The following GRB10 variants were observed in gnomAD, a reference collection of about 807,000 sequenced individuals.
GRB10 encodes the protein growth factor receptor bound protein 10, also known as growth factor receptor-bound protein 10.
A neutral mutation model predicts 80.9 loss-of-function variants in GRB10; 20 were observed. The observed-to-expected ratio is 0.25, with a 90% CI of 0.17 to 0.36. GRB10 has a LOEUF of 0.36. Among genes scored for constraint, GRB10 ranks in the 10% least tolerant of loss-of-function variants. The probability of loss-of-function intolerance (pLI) is 1.00; values close to 1 mark genes in which losing one functional copy is unlikely to be tolerated. For missense variants in GRB10, 548 were observed against 747.7 expected, an observed-to-expected ratio of 0.73 and a Z score of 3.12; for synonymous variants, 291 against 291.5, an observed-to-expected ratio of 1.00 and a Z score of 0.02.
chr7:50,717,976 A>G (rs1184450267), intron 4 of GRB10, among the ~76,000 whole-genome samples: 1 of 152,232 alleles, frequency 6.6e-6, no homozygotes, highest in Non-Finnish European at 1.5e-5. Flanking sequence ...CCCCCCAGGC[A>G]GAGACTCCTC....
intron 5 of GRB10, among the ~76,000 whole-genome samples, chr7:50,679,609 C>T (rs190787027): frequency 2.0e-5 from 3 of 152,312 alleles, no homozygotes; most frequent in South Asian, 2.1e-4. Flanking sequence ...CATCAGTGTG[C>T]GATGCCTTCA....
rs2060702468 is a variant in GRB10, at chr7:50,674,490, A to C, written c.308T>G (p.Val103Gly). Residue 103 changes from valine to glycine, a missense_variant, in exon 6 of 19, where the codon GTG (valine) becomes GGG (glycine). Transcript: ENST00000401949. ...GCGCTGCACCCTCTGCCTCGGGGAC[A>C]CCTGTGGCTGGATGGACCGAGGAGG... The part of the protein sequence containing the change: ...SGPPRSIQPQ[V>G]SPRQRVQRSQ... The C allele has an allele frequency of 6.2e-7, 1 of 1,608,914 alleles. No homozygotes were observed. Among genetic ancestry groups the C allele is most frequent in the Non-Finnish European group, 8.5e-7 (1 of 1,179,998 alleles).
intron 2 of GRB10, among the ~76,000 whole-genome samples, chr7:50,773,129 A>C (rs1445082547): frequency 2.0e-5 from 3 of 152,054 alleles, no homozygotes; most frequent in Non-Finnish European, 4.4e-5. Context: ...TGTGCAGAGA[A>C]ACTCCCCTTT....
intron 5 of GRB10, among the ~76,000 whole-genome samples, chr7:50,690,634 G>A (rs777234541): frequency 3.9e-5 from 6 of 151,946 alleles, no homozygotes; most frequent in Non-Finnish European, 7.4e-5. Context: ...GCCTCCTATC[G>A]CCTACACGAG....
chr7:50,707,554 T>C (rs2065209512), intron 4 of GRB10, among the ~76,000 whole-genome samples: 3 of 152,248 alleles, frequency 2.0e-5, no homozygotes, highest in African/African-American at 7.2e-5. Context: ...CAAGCAAACA[T>C]CAAAACAGTT....
intron 2 of GRB10, among the ~76,000 whole-genome samples, chr7:50,777,943 A>G (rs1385887005): frequency 6.6e-6 from 1 of 152,196 alleles, no homozygotes; most frequent in African/African-American, 2.4e-5. Flanking sequence ...AGGGGAGGGA[A>G]AACATCAGGA....
intron 7 of GRB10, among the ~76,000 whole-genome samples, chr7:50,633,180 G>A (rs956215567): frequency 5.9e-5 from 9 of 152,194 alleles, no homozygotes; most frequent in African/African-American, 2.2e-4. Flanking sequence ...TAAGCCTCCT[G>A]AAACCTCCAC....
At chr7:50,627,984 C>A (rs1370240606) in intron 7 of GRB10, among the ~76,000 whole-genome samples, 1 of 152,154 alleles carries the variant, frequency 6.6e-6, no homozygotes, top group Non-Finnish European at 1.5e-5. Context: ...GGGAGTGAAT[C>A]CAGCCACAGT....
chr7:50,627,073 T>C (rs946549800), intron 7 of GRB10, 95 bp from the exon 8 acceptor site: 37 of 1,292,236 alleles, frequency 2.9e-5, no homozygotes, highest in South Asian at 4.7e-5. Context: ...GTAAAAATAG[T>C]AGTGCTCCAA....
intron 4 of GRB10, among the ~76,000 whole-genome samples, chr7:50,706,612 C>G (rs1170978900): frequency 2.0e-5 from 3 of 152,224 alleles, no homozygotes; most frequent in Non-Finnish European, 2.9e-5. Context: ...TGGCCCCACC[C>G]TGTGGTTTTA....
In GRB10 at chr7:50,775,167, AAAAAAAC is replaced by A. The variant is rs1209238415; in HGVS notation, c.-217+5453_-217+5459del. ...CACAGTGAGATCCTGTCTCCAAAAA[AAAAAAAC>A]AAAAAAAAACAGTGGAACAGACAAA... On this transcript the variant is annotated intron_variant, in intron 2 of 18. Coordinates refer to ENST00000401949, the MANE Select transcript of GRB10 (RefSeq NM_001350814.2). Among the ~76,000 whole-genome samples, 49 of 130,288 alleles carry A rather than the reference AAAAAAAC, an allele frequency of 3.8e-4. 8 individuals carry two copies. The highest frequency in any genetic ancestry group is 3.0e-3 in the East Asian group (14 of 4,740). The allele number at this position is 130,288 out of a possible 152,430, so 85.5% of individuals were successfully genotyped here.
At chr7:50,641,067 G>T (rs950768757) in intron 7 of GRB10, among the ~76,000 whole-genome samples, 1 of 151,910 alleles carries the variant, frequency 6.6e-6, no homozygotes, top group African/African-American at 2.4e-5. Context: ...TCCAGTGAGC[G>T]CCTACCACCG....
chr7:50,752,079 G>A (rs751884590), intron 3 of GRB10, among the ~76,000 whole-genome samples: 1 of 152,150 alleles, frequency 6.6e-6, no homozygotes, highest in East Asian at 1.9e-4. Flanking sequence ...AATCCAGTGG[G>A]GAGAAGCTCA....
intron 1 of GRB10, among the ~76,000 whole-genome samples, chr7:50,790,553 G>A (rs1486105528): frequency 2.6e-5 from 4 of 152,266 alleles, no homozygotes; most frequent in African/African-American, 9.6e-5. Context: ...GAGCAAACGT[G>A]CAAAGGCACA....
At chr7:50,738,682 A>C (rs567757236) in intron 3 of GRB10, among the ~76,000 whole-genome samples, 123 of 152,354 alleles carry the variant, frequency 8.1e-4, no homozygotes, top group African/African-American at 2.7e-3. Flanking sequence ...TTCAGATTCT[A>C]AATCATCAGC....
intron 17 of GRB10, 66 bp from the exon 18 acceptor site, chr7:50,595,596 C>T (rs2046489126): frequency 3.9e-6 from 3 of 761,888 alleles, no homozygotes; most frequent in East Asian, 5.0e-5. Context: ...CACACACACA[C>T]TCTCTTACAC....
intron 3 of GRB10, among the ~76,000 whole-genome samples, chr7:50,746,560 C>T (rs1167165436): frequency 2.6e-5 from 4 of 152,138 alleles, no homozygotes; most frequent in Non-Finnish European, 5.9e-5. Flanking sequence ...AGGGCCTTTC[C>T]TCAGCAGCAC....
chr7:50,765,613 T>C (rs190090221), intron 2 of GRB10, among the ~76,000 whole-genome samples: 134 of 152,310 alleles, frequency 8.8e-4, no homozygotes, highest in Middle Eastern at 3.4e-3. Flanking sequence ...AGAGAGTAGA[T>C]TGGTGGTTAC....
intron 17 of GRB10, among the ~76,000 whole-genome samples, chr7:50,601,634 GTAAT>G (rs572703550): frequency 1.6e-4 from 25 of 151,698 alleles, no homozygotes; most frequent in Admixed American, 4.6e-4. Context: ...AAAGTAATAA[GTAAT>G]TAAGTTAATG....
Sources: gnomAD v4.1 joint callset for allele counts (sites outside exome capture counted in the v4.1 genomes callset) on GRCh38, gnomAD v4.1.1 for gene constraint, MANE v1.5 for transcripts, NCBI Gene and HGNC (gene_info 2026-07-23, HGNC 2026-07-21) for gene names.